Variants in KIF3B observed in about 807,000 individuals in gnomAD.
KIF3B encodes the protein kinesin-like protein KIF3B.
Under a neutral mutation model 74.3 loss-of-function variants are expected in KIF3B, and 38 were observed. The observed-to-expected ratio is 0.51, with a 90% CI of 0.39 to 0.67. KIF3B has a LOEUF of 0.67. Ranked by LOEUF, KIF3B falls within the 30% of genes least tolerant of loss-of-function variation. The pLI is 0.00. For missense variants in KIF3B, 649 were observed against 932.0 expected (o/e 0.70, Z 3.95); for synonymous variants, 326 against 342.5 (o/e 0.95, Z 0.53).
At chr20:32,315,983 A>C (rs192983057) in intron 2 of KIF3B, among the ~76,000 whole-genome samples, 304 of 152,258 alleles carry the variant, frequency 2.0e-3, no homozygotes, top group Non-Finnish European at 3.2e-3. Context: ...GTTAAAGCTG[A>C]AATTCATGTA....
chr20:32,290,876 C>CA (rs756263088), intron 1 of KIF3B, among the ~76,000 whole-genome samples: 5,538 of 99,816 alleles, frequency 0.055, 296 homozygotes, highest in African/African-American at 0.17. Flanking sequence ...GACTGTGTCT[C>CA]AAAAAAAAAA....
rs980851296 is a variant in KIF3B, at chr20:32,332,228, G to A, written c.*909G>A. 5.2e-5 allele frequency: 8 copies of A among 152,792 alleles called. No individual in the cohort carries two copies. The highest frequency in any genetic ancestry group is 1.9e-4 in the African/African-American group (8 of 41,456). The allele number at this position is 152,792 out of a possible 1,614,324, so 9.5% of individuals were successfully genotyped here. ...AGTGGGCCTGTTTTGTGGAAGAAAG[G>A]AGGCTGTCTCTGCCTTCTCTGATGG... On this transcript the variant is annotated 3_prime_UTR_variant, in exon 9 of 9. Transcript: ENST00000375712.
chr20:32,283,374 C>CAG, intron 1 of KIF3B, among the ~76,000 whole-genome samples: 1 of 151,856 alleles, frequency 6.6e-6, no homozygotes, highest in African/African-American at 2.4e-5. Flanking sequence ...CGTGGTGGTG[C>CAG]GCACCTGTAA....
intron 2 of KIF3B, among the ~76,000 whole-genome samples, chr20:32,314,250 A>G (rs2122697381): frequency 6.6e-6 from 1 of 151,952 alleles, no homozygotes; most frequent in Non-Finnish European, 1.5e-5. Context: ...TCATAAAAGA[A>G]TGTTAGAGGC....
chr20:32,287,871 T>C (rs2047674217), intron 1 of KIF3B, among the ~76,000 whole-genome samples: 1 of 128,668 alleles, frequency 7.8e-6, no homozygotes, highest in African/African-American at 2.9e-5. Flanking sequence ...TCTAAAAGTA[T>C]CTTTTTTTTT....
intron 1 of KIF3B, among the ~76,000 whole-genome samples, chr20:32,308,726 C>CTT (rs72491023): frequency 7.7e-5 from 10 of 130,506 alleles, no homozygotes; most frequent in South Asian, 2.5e-4. Flanking sequence ...TTTTATTTTA[C>CTT]TTTTTTTTTT....
At chr20:32,315,625 A>T (rs1304693583) in intron 2 of KIF3B, among the ~76,000 whole-genome samples, 1 of 152,094 alleles carries the variant, frequency 6.6e-6, no homozygotes, top group African/African-American at 2.4e-5. Flanking sequence ...AGGTGGGAGG[A>T]TTGCTTGAAC....
chr20:32,306,080 C>T lies in KIF3B; in HGVS notation c.-65-3633C>T, dbSNP rs192950693. ...CAGCCTGGTCAATAAGAGCAAGACTCCATCTGAAAAAAAAAAAAAAAAAGA... is the reference window on the plus strand; with the variant it reads ...CAGCCTGGTCAATAAGAGCAAGACTTCATCTGAAAAAAAAAAAAAAAAAGA... On this transcript the variant is annotated intron_variant, in intron 1 of 8. Transcript: ENST00000375712. 7.4e-3 allele frequency among the ~76,000 whole-genome samples: 879 copies of T among 119,010 alleles called. 6 individuals are homozygous for T. Among genetic ancestry groups the T allele is most frequent in the Non-Finnish European group, 0.011 (644 of 56,092 alleles). The allele number at this position is 119,010 out of a possible 152,430, so 78.1% of individuals were successfully genotyped here.
chr20:32,295,854 CTTTT>C (rs66566110), intron 1 of KIF3B, among the ~76,000 whole-genome samples: 8 of 110,850 alleles, frequency 7.2e-5, no homozygotes, highest in Admixed American at 1.9e-4. Flanking sequence ...TTTTTATTAT[CTTTT>C]TTTTTTTTTT....
At position 32,301,821 on chromosome 20, in the gene KIF3B, A is replaced by T. The variant is rs115880571; in HGVS notation, c.-65-7892A>T. Reference sequence around the variant, plus strand: ...ACCTAGTTCTGGACTTTGAGGTGAGACTCTATGACAGCTAGCAAGGTGAGG... The same window carrying T: ...ACCTAGTTCTGGACTTTGAGGTGAGTCTCTATGACAGCTAGCAAGGTGAGG... On this transcript the variant is annotated intron_variant, in intron 1 of 8. Transcript: ENST00000375712. 4.0e-3 allele frequency among the ~76,000 whole-genome samples: 608 copies of T among 152,276 alleles called. 2 individuals carry two copies. The highest frequency in any genetic ancestry group is 6.4e-3 in the Non-Finnish European group (437 of 68,024).
intron 1 of KIF3B, among the ~76,000 whole-genome samples, chr20:32,283,382 T>C (rs143180912): frequency 5.3e-5 from 8 of 152,068 alleles, no homozygotes; most frequent in African/African-American, 1.7e-4. Flanking sequence ...TGCGCACCTG[T>C]AATCCCAGCT....
chr20:32,316,626 A>G lies in KIF3B; in HGVS notation c.1606A>G (p.Ile536Val), dbSNP rs1225035145. ...CAGCTCATTGCAGCAAGAGGTGGAC[A>G]TCAAGACCAAAAAACTCAAAAAGGT... ...TYSSLQQEVDIKTKKLKKLFS... is the reference protein window; with the variant it reads ...TYSSLQQEVDVKTKKLKKLFS... The change falls in exon 4 of 9, where the codon ATC (isoleucine) becomes GTC (valine). Residue 536 changes from isoleucine (I) to valine (V), a missense_variant. Around this residue, in one of 4 missense-constraint regions of KIF3B, gnomAD observed 363 missense variants for 592.8 expected, o/e 0.61. Transcript: ENST00000375712. The G allele has an allele frequency of 6.2e-7, 1 of 1,614,194 alleles. No homozygotes were observed. The highest frequency in any genetic ancestry group is 1.1e-5 in the South Asian group (1 of 91,084).
intron 1 of KIF3B, among the ~76,000 whole-genome samples, chr20:32,284,974 C>T (rs2047660675): frequency 6.6e-6 from 1 of 151,958 alleles, no homozygotes; most frequent in Non-Finnish European, 1.5e-5. Flanking sequence ...GACTCCAAGT[C>T]TATTGCTCTT....
rs1168953538 is a variant in KIF3B, at chr20:32,331,451, G to C, written c.*132G>C. On this transcript the variant is annotated 3_prime_UTR_variant, in exon 9 of 9. Coordinates refer to ENST00000375712, the MANE Select transcript of KIF3B (RefSeq NM_004798.4). Reference sequence around the variant, plus strand: ...GAGGAGAAGCGGTGGCCTCTTTGCAGATCAACCAACTTAATCTGGTTGAAC... The same window carrying C: ...GAGGAGAAGCGGTGGCCTCTTTGCACATCAACCAACTTAATCTGGTTGAAC... 1 of 663,154 alleles carries C rather than the reference G, an allele frequency of 1.5e-6. No homozygotes were observed. Among genetic ancestry groups the C allele is most frequent in the East Asian group, 2.8e-5 (1 of 36,124 alleles). The allele number at this position is 663,154 out of a possible 1,614,324, so 41.1% of individuals were successfully genotyped here. A position where few individuals can be genotyped will look rare whatever the true frequency, so the allele number is the denominator to read the frequency against.
At chr20:32,300,025 C>T (rs2047735735) in intron 1 of KIF3B, among the ~76,000 whole-genome samples, 1 of 152,104 alleles carries the variant, frequency 6.6e-6, no homozygotes, top group African/African-American at 2.4e-5. Flanking sequence ...ATCCTCCTGC[C>T]TTGTCCTCCC....
rs190311166 is a variant in KIF3B, at chr20:32,315,668, G to C, written c.1405-550G>C. 1.2e-4 allele frequency among the ~76,000 whole-genome samples: 19 copies of C among 152,212 alleles called. 1 individual carries two copies. In the East Asian group the frequency reaches 3.5e-3, roughly 28 times the overall value. On this transcript the variant is annotated intron_variant, in intron 2 of 8. Transcript: ENST00000375712. ...GTCAAGGCTGCAGTGAGCTGTGATC[G>C]TGCCACCGCATTCCAGCTTGGGTGA...
chr20:32,316,459 C>G (rs560719653), intron 3 of KIF3B, 68 bp from the exon 4 acceptor site: 296 of 1,603,222 alleles, frequency 1.8e-4, no homozygotes, highest in Non-Finnish European at 2.5e-4. Context: ...GACTCTGATC[C>G]TAGCTTGGGG....
intron 1 of KIF3B, among the ~76,000 whole-genome samples, chr20:32,299,379 G>GTGTGTATATATATATA (rs1187264463): frequency 3.0e-4 from 7 of 23,090 alleles, no homozygotes; most frequent in East Asian, 2.1e-3. Context: ...TGGTGTGTGT[G>GTGTGTATATATATATA]TATATATATA....
intron 1 of KIF3B, among the ~76,000 whole-genome samples, chr20:32,300,479 C>T (rs1218830366): frequency 6.6e-6 from 1 of 152,170 alleles, no homozygotes; most frequent in Non-Finnish European, 1.5e-5. Context: ...CAGGATTTCA[C>T]CGCGTTAGCC....
Sources: gnomAD v4.1 joint callset for allele counts (sites outside exome capture counted in the v4.1 genomes callset) on GRCh38, gnomAD v4.1.1 for gene constraint, gnomAD v4.1.1 regional missense constraint, MANE v1.5 for transcripts, NCBI Gene and HGNC (gene_info 2026-07-23, HGNC 2026-07-21) for gene names.